TBC1D22A: variants seen among roughly 807,000 people sequenced by gnomAD.
TBC1D22A encodes the protein TBC1 domain family member 22A.
Under a neutral mutation model 60.2 loss-of-function variants are expected in TBC1D22A, and 38 were observed. The observed-to-expected ratio is 0.63, with a 90% CI of 0.49 to 0.83. The LOEUF (loss-of-function observed/expected upper bound fraction) is 0.83, where lower values mean the gene tolerates loss of function less well. Among genes scored for constraint, TBC1D22A ranks in the 40% least tolerant of loss-of-function variants. The pLI is 0.00. For missense variants in TBC1D22A, 628 were observed against 701.0 expected (o/e 0.90, Z 1.18); for synonymous variants, 302 against 281.7 (o/e 1.07, Z -0.72).
intron 7 of TBC1D22A, among the ~76,000 whole-genome samples, chr22:46,907,121 C>CGTGTGCTCTTCTTTGTGTGT (rs1173831048): frequency 1.3e-5 from 2 of 151,624 alleles, no homozygotes. Flanking sequence ...CTTCTCCGTG[C>CGTGTGCTCTTCTTTGTGTGT]GTGTGCTCTT....
intron 1 of TBC1D22A, chr22:46,773,799 G>A (rs192644745): frequency 2.0e-4 from 81 of 404,596 alleles, no homozygotes; most frequent in African/African-American, 1.7e-3. Context: ...GCAACCACAC[G>A]TGTAGTCCTC....
Position 46,793,615 on chromosome 22 carries a change from C to G in TBC1D22A, c.234C>G (p.Asp78Glu). The G allele has an allele frequency of 6.2e-7, 1 of 1,613,900 alleles. No homozygotes were observed. The highest frequency in any genetic ancestry group is 8.5e-7 in the Non-Finnish European group (1 of 1,180,044). Residue 78 changes from aspartate to glutamate, a missense_variant, in exon 3 of 13, where the codon GAC becomes GAG. Physicochemically the swap from Asp to Glu is conservative, Grantham distance 45 (BLOSUM62 2). Coordinates refer to ENST00000337137, the MANE Select transcript of TBC1D22A (RefSeq NM_014346.5). ...TSDAWDAGED[D>E]DELLAMAAES... is the part of the protein sequence containing the mutation. Reference sequence around the variant, plus strand: ...ATGCCTGGGACGCTGGGGAGGACGACGATGAGCTCCTGGCCATGGCGGCGG... The same window carrying G: ...ATGCCTGGGACGCTGGGGAGGACGAGGATGAGCTCCTGGCCATGGCGGCGG...
At chr22:46,768,232 C>G (rs1475812320) in intron 1 of TBC1D22A, 2 of 152,350 alleles carry the variant, frequency 1.3e-5, no homozygotes, top group African/African-American at 4.8e-5. Flanking sequence ...CGCCGGTAAT[C>G]CCAGCACTTT....
intron 11 of TBC1D22A, among the ~76,000 whole-genome samples, chr22:47,094,464 ACTTAAACTGCAGCT>A (rs2147634776): frequency 6.6e-6 from 1 of 152,250 alleles, no homozygotes; most frequent in East Asian, 1.9e-4. Context: ...TTTTGGGTGG[ACTTAAACTGCAGCT>A]CTTCCCTGAG....
rs2074196362 is a variant in TBC1D22A, at chr22:46,974,247, G to A, written c.1016-43G>A. On this transcript the variant is annotated intron_variant, in intron 8 of 12. Coordinates refer to ENST00000337137, the MANE Select transcript of TBC1D22A (RefSeq NM_014346.5). ...GCCCCCTCGTGGGTCGAGGTCCCGT[G>A]TGGCTAAGTCTCCTTGTCTTTTGCA... 5 of 1,535,906 alleles carry A rather than the reference G, an allele frequency of 3.3e-6. No homozygotes were observed. The East Asian group carries it at 1.2e-4, about 37-fold the overall frequency.
rs143091062 is a variant in TBC1D22A at position 46,807,819 on chromosome 22, A to G, written c.637+10199A>G. Among the ~76,000 whole-genome samples, 212 of 152,202 alleles carry G rather than the reference A, an allele frequency of 1.4e-3. 1 individual carries two copies. Among genetic ancestry groups the G allele is most frequent in the African/African-American group, 4.8e-3 (200 of 41,548 alleles). ...GAGTTCGGTTTTAGAAATTTTATACAGGGCCAGGTGAAGTAGCTCATACTT... is the reference window on the plus strand; with the variant it reads ...GAGTTCGGTTTTAGAAATTTTATACGGGGCCAGGTGAAGTAGCTCATACTT... On this transcript the variant is annotated intron_variant, in intron 4 of 12. Coordinates refer to ENST00000337137, the MANE Select transcript of TBC1D22A (RefSeq NM_014346.5).
intron 8 of TBC1D22A, among the ~76,000 whole-genome samples, chr22:46,956,323 C>A (rs570204476): frequency 6.6e-6 from 1 of 152,182 alleles, no homozygotes; most frequent in Non-Finnish European, 1.5e-5. Context: ...CAGTGGCTCA[C>A]GCCTGTAATC....
At chr22:46,956,851 G>A (rs1346874021) in intron 8 of TBC1D22A, among the ~76,000 whole-genome samples, 1 of 152,248 alleles carries the variant, frequency 6.6e-6, no homozygotes, top group African/African-American at 2.4e-5. Flanking sequence ...ACAGACTGTT[G>A]AGCACAGACT....
intron 8 of TBC1D22A, among the ~76,000 whole-genome samples, chr22:46,973,100 T>A (rs1569291585): frequency 1.3e-5 from 2 of 152,132 alleles, no homozygotes; most frequent in Non-Finnish European, 2.9e-5. Context: ...AGTCACACAC[T>A]TCAGTGTGAG....
At chr22:47,038,049 T>C (rs1027729094) in intron 11 of TBC1D22A, among the ~76,000 whole-genome samples, 2 of 152,250 alleles carry the variant, frequency 1.3e-5, no homozygotes, top group African/African-American at 2.4e-5. Flanking sequence ...TCCCATCACT[T>C]ATTCTAGCAC....
chr22:47,075,232 A>AAG (rs2064156842), intron 11 of TBC1D22A, among the ~76,000 whole-genome samples: 1 of 151,160 alleles, frequency 6.6e-6, no homozygotes, highest in Non-Finnish European at 1.5e-5. Flanking sequence ...CAAAAAAAAA[A>AAG]AAAAGAGAAC....
intron 8 of TBC1D22A, among the ~76,000 whole-genome samples, chr22:46,966,069 C>G (rs534197456): frequency 4.6e-5 from 7 of 152,330 alleles, no homozygotes; most frequent in Non-Finnish European, 1.0e-4. Context: ...CTTCCCGTCC[C>G]TCTACAGGGA....
At chr22:46,905,805 T>G (rs981781327) in intron 7 of TBC1D22A, among the ~76,000 whole-genome samples, 1 of 152,232 alleles carries the variant, frequency 6.6e-6, no homozygotes, top group East Asian at 1.9e-4. Flanking sequence ...TCAGTGGTCC[T>G]TCTCCATCCT....
chr22:46,883,857 G>A (rs965806436), intron 5 of TBC1D22A, among the ~76,000 whole-genome samples: 38 of 152,246 alleles, frequency 2.5e-4, no homozygotes, highest in African/African-American at 7.7e-4. Flanking sequence ...TCTGTGCTCC[G>A]TCTCTTTCTC....
chr22:47,078,552 C>T (rs377052506), intron 11 of TBC1D22A, among the ~76,000 whole-genome samples: 29 of 152,220 alleles, frequency 1.9e-4, no homozygotes, highest in East Asian at 1.2e-3. Flanking sequence ...GTGAATGTAA[C>T]GCGCTTAGCA....
Position 47,098,854 on chromosome 22 carries a change from T to C in TBC1D22A, c.1330-12654T>C, listed in dbSNP as rs148975408. 2.4e-4 allele frequency among the ~76,000 whole-genome samples: 36 copies of C among 152,350 alleles called. No homozygotes were observed. The East Asian group carries it at 6.6e-3, about 28-fold the overall frequency. ...GTGTCTCTGGCAAACAGCTGTGCTCTGAGCTCCGACTGGGACCTCCTGTGA... is the reference window on the plus strand; with the variant it reads ...GTGTCTCTGGCAAACAGCTGTGCTCCGAGCTCCGACTGGGACCTCCTGTGA... On this transcript the variant is annotated intron_variant, in intron 11 of 12. Transcript: ENST00000337137.
intron 1 of TBC1D22A, among the ~76,000 whole-genome samples, chr22:46,776,643 T>A (rs549038068): frequency 1.1e-4 from 16 of 151,458 alleles, no homozygotes; most frequent in Admixed American, 3.9e-4. Context: ...ATTGCATGGG[T>A]AGGACGAGGC....
intron 11 of TBC1D22A, among the ~76,000 whole-genome samples, chr22:47,063,002 G>A (rs1205241934): frequency 6.6e-6 from 1 of 152,186 alleles, no homozygotes; most frequent in Non-Finnish European, 1.5e-5. Context: ...GAAACAGGGA[G>A]AAGGTGCCAC....
intron 10 of TBC1D22A, among the ~76,000 whole-genome samples, chr22:47,001,192 TCA>T (rs965901345): frequency 6.6e-6 from 1 of 152,064 alleles, no homozygotes; most frequent in African/African-American, 2.4e-5. Context: ...TGTTTGAACC[TCA>T]GTTATGATGA....
Sources: allele counts gnomAD v4.1 joint callset (sites outside exome capture counted in the v4.1 genomes callset), GRCh38; gene constraint gnomAD v4.1.1; transcripts MANE v1.5; gene names NCBI Gene and HGNC (gene_info 2026-07-23, HGNC 2026-07-21).